Variants in TENM3 observed in about 807,000 individuals in gnomAD.
TENM3 encodes the protein teneurin-3.
TENM3 carries 63 observed loss-of-function variants against 255.1 expected under a neutral mutation model. The ratio of observed to expected loss-of-function variants is 0.25; its 90% CI spans 0.20 to 0.30. The LOEUF (loss-of-function observed/expected upper bound fraction) is 0.30, where lower values mean the gene tolerates loss of function less well. TENM3 is among the 10% of genes least tolerant of loss of function. The pLI, the probability that TENM3 is intolerant of heterozygous loss-of-function variation, is 1.00. For synonymous variants in TENM3, 1,306 were observed against 1,322.3 expected (o/e 0.99, Z 0.27); for missense variants, 2,929 against 3,461.1 (o/e 0.85, Z 3.86).
chr4:182,476,707 A>G (rs1202647354), intron 3 of TENM3, among the ~76,000 whole-genome samples: 1 of 152,198 alleles, frequency 6.6e-6, no homozygotes, highest in African/African-American at 2.4e-5. Context: ...TCTGACAGTG[A>G]GCTGAACAAT....
chr4:181,542,532 T>C, the TENM3 span, among the ~76,000 whole-genome samples: 1 of 152,272 alleles, frequency 6.6e-6, no homozygotes, highest in Non-Finnish European at 1.5e-5. Context: ...GAGATATGGG[T>C]AGCTTAGATT....
chr4:181,814,414 C>T, the TENM3 span, among the ~76,000 whole-genome samples: 1 of 152,114 alleles, frequency 6.6e-6, no homozygotes, highest in Non-Finnish European at 1.5e-5. Context: ...AAAACACAAA[C>T]TTTGTGAGCA....
chr4:182,484,008 A>G (rs1734454087), intron 3 of TENM3, among the ~76,000 whole-genome samples: 1 of 151,856 alleles, frequency 6.6e-6, no homozygotes, highest in African/African-American at 2.4e-5. Context: ...GTGTGGGGAC[A>G]CAAACCCGAA....
the TENM3 span, among the ~76,000 whole-genome samples, chr4:181,590,652 C>T: frequency 6.6e-6 from 1 of 152,138 alleles, no homozygotes; most frequent in African/African-American, 2.4e-5. Context: ...ACACAGAAAA[C>T]AATAGAGGAA....
intron 1 of TENM3, among the ~76,000 whole-genome samples, chr4:182,200,819 A>C (rs1430764386): frequency 7.6e-6 from 1 of 131,242 alleles, no homozygotes; most frequent in African/African-American, 2.8e-5. Flanking sequence ...TTTAGAAACT[A>C]GAGTGCCTTT....
the TENM3 span, among the ~76,000 whole-genome samples, chr4:181,509,751 A>G: frequency 3.3e-5 from 5 of 152,244 alleles, no homozygotes; most frequent in African/African-American, 1.2e-4. Context: ...GGATATTTAG[A>G]GAAAGTTGAC....
intron 3 of TENM3, among the ~76,000 whole-genome samples, chr4:182,586,299 T>C (rs1367877375): frequency 6.6e-6 from 1 of 152,144 alleles, no homozygotes; most frequent in Non-Finnish European, 1.5e-5. Flanking sequence ...ATTATTAATT[T>C]CCCAAACAAT....
intron 1 of TENM3, among the ~76,000 whole-genome samples, chr4:182,238,333 T>G (rs995820288): frequency 6.6e-6 from 1 of 152,218 alleles, no homozygotes; most frequent in Non-Finnish European, 1.5e-5. Context: ...AGCTCATTCC[T>G]TCCCCAAGGC....
intron 1 of TENM3, among the ~76,000 whole-genome samples, chr4:182,286,144 G>A (rs539906237): frequency 1.1e-4 from 17 of 152,270 alleles, no homozygotes; most frequent in African/African-American, 3.9e-4. Flanking sequence ...CATGTTTCTT[G>A]CTGGGTATTG....
At chr4:181,732,983 A>G in the TENM3 span, among the ~76,000 whole-genome samples, 2 of 152,212 alleles carry the variant, frequency 1.3e-5, no homozygotes, top group Non-Finnish European at 2.9e-5. Context: ...TTTATTGAGA[A>G]GGAAAAGAAG....
intron 1 of TENM3, among the ~76,000 whole-genome samples, chr4:182,250,497 A>G (rs936183925): frequency 4.6e-5 from 7 of 151,844 alleles, no homozygotes; most frequent in Admixed American, 6.5e-5. Context: ...CTCGTAAAGG[A>G]TAGAGTGAGA....
upstream of TENM3, chr4:182,144,611 G>GCCCGCTC (rs1293355193): frequency 6.7e-6 from 1 of 148,376 alleles, no homozygotes; most frequent in Non-Finnish European, 1.5e-5. Flanking sequence ...CCCCGCCGGC[G>GCCCGCTC]CCCGCTCCCC....
chr4:182,310,448 C>T (rs1457454738), intron 1 of TENM3, among the ~76,000 whole-genome samples: 2 of 152,120 alleles, frequency 1.3e-5, no homozygotes, highest in East Asian at 1.9e-4. Context: ...CTCCAAATGA[C>T]GGCAAAAATG....
At chr4:181,647,314 T>C in the TENM3 span, among the ~76,000 whole-genome samples, 22 of 152,332 alleles carry the variant, frequency 1.4e-4, no homozygotes, top group Admixed American at 1.2e-3. Flanking sequence ...CCATGATGAA[T>C]TCCAAATTAT....
intron 1 of TENM3, among the ~76,000 whole-genome samples, chr4:182,145,818 T>C (rs1749924962): frequency 6.6e-6 from 1 of 152,208 alleles, no homozygotes; most frequent in Non-Finnish European, 1.5e-5. Flanking sequence ...CTATTTCTTA[T>C]CTTCTGACAA....
At position 182,653,843 on chromosome 4, in the gene TENM3, A is replaced by G. The variant is rs1359315921; in HGVS notation, c.1061A>G (p.Asn354Ser). ...GACACATTTGAGAATGGAAAAGTGA[A>G]TTCTGATACCATGCCAACAAACACT... ...ENDTFENGKV[N>S]SDTMPTNTVS... The change falls in exon 6 of 28, where the codon AAT becomes AGT. Residue 354 changes from asparagine to serine, a missense_variant. Physicochemically the swap from Asn to Ser is conservative, Grantham distance 46 (BLOSUM62 1). Transcript: ENST00000511685. 1 of 1,613,382 alleles carries G rather than the reference A, an allele frequency of 6.2e-7. No homozygotes were observed. The highest frequency in any genetic ancestry group is 1.1e-5 in the South Asian group (1 of 90,976).
intron 3 of TENM3, among the ~76,000 whole-genome samples, chr4:182,514,441 T>G (rs935055050): frequency 6.6e-6 from 1 of 152,146 alleles, no homozygotes; most frequent in Non-Finnish European, 1.5e-5. Flanking sequence ...AGAGTTTAGG[T>G]GCCTGAAAGA....
intron 3 of TENM3, among the ~76,000 whole-genome samples, chr4:182,399,671 G>A (rs1580416375): frequency 6.6e-6 from 1 of 152,290 alleles, no homozygotes; most frequent in East Asian, 1.9e-4. Flanking sequence ...ACAACGCACT[G>A]CTTGTTCAGT....
the TENM3 span, among the ~76,000 whole-genome samples, chr4:182,051,522 C>T: frequency 2.6e-5 from 4 of 151,638 alleles, no homozygotes; most frequent in East Asian, 4.0e-4. Context: ...GGACTACAGG[C>T]GCCTGCCACC....
Sources: gnomAD v4.1 joint callset for allele counts (sites outside exome capture counted in the v4.1 genomes callset) on GRCh38, gnomAD v4.1.1 for gene constraint, MANE v1.5 for transcripts, NCBI Gene and HGNC (gene_info 2026-07-23, HGNC 2026-07-21) for gene names.